The following CCBE1 variants were observed in gnomAD, a reference collection of about 807,000 sequenced individuals.
The protein encoded by CCBE1 is collagen and calcium binding EGF domains 1, also known as collagen and calcium-binding EGF domain-containing protein 1.
In CCBE1, 37 loss-of-function variants were observed where a neutral mutation model predicts 50.0. The observed-to-expected ratio is 0.74, with a 90% CI of 0.57 to 0.97. The LOEUF (loss-of-function observed/expected upper bound fraction) is 0.97. Ranked by LOEUF, CCBE1 falls within the 50% of genes least tolerant of loss-of-function variation. The pLI, the probability that CCBE1 is intolerant of heterozygous loss-of-function variation, is 0.00. For synonymous variants in CCBE1, 234 were observed against 203.7 expected (o/e 1.15, Z -1.27); for missense variants, 538 against 523.8 (o/e 1.03, Z -0.26).
chr18:59,512,118 A>C lies in CCBE1; in HGVS notation c.213-31880T>G, dbSNP rs542284407. On this transcript the variant is annotated intron_variant, in intron 2 of 10. Coordinates refer to ENST00000439986, the MANE Select transcript of CCBE1 (RefSeq NM_133459.4). ...TACAGTAGCGGTGTGATATGGAAGG[A>C]AGGCAGGAAGGGAAGTGCTGGGAAA... Among the ~76,000 whole-genome samples, 4 of 152,348 alleles carry C rather than the reference A, an allele frequency of 2.6e-5. No individual in the cohort carries two copies. The East Asian group carries it at 5.8e-4, about 22-fold the overall frequency.
intron 2 of CCBE1, among the ~76,000 whole-genome samples, chr18:59,600,054 G>A (rs2053409527): frequency 6.6e-6 from 1 of 152,024 alleles, no homozygotes; most frequent in Non-Finnish European, 1.5e-5. Context: ...TGCAACTATT[G>A]CTTTTGCTGT....
intron 2 of CCBE1, among the ~76,000 whole-genome samples, chr18:59,694,356 G>C (rs1332650304): frequency 6.6e-6 from 1 of 152,132 alleles, no homozygotes; most frequent in African/African-American, 2.4e-5. Flanking sequence ...AACCTTTAAA[G>C]ACTGGCTTCC....
intron 3 of CCBE1, 47 bp downstream of exon 3, chr18:59,480,139 G>T (rs775550916): frequency 1.7e-6 from 2 of 1,148,076 alleles, no homozygotes; most frequent in Non-Finnish European, 2.6e-6. Context: ...GACTTTGAAT[G>T]ATTAGTTGTG....
intron 2 of CCBE1, among the ~76,000 whole-genome samples, chr18:59,562,035 C>G (rs957585050): frequency 2.0e-5 from 3 of 152,118 alleles, no homozygotes; most frequent in African/African-American, 7.2e-5. Flanking sequence ...CTAACAAGTA[C>G]GTAGGCAGAG....
chr18:59,483,922 C>G (rs185623013), intron 2 of CCBE1, among the ~76,000 whole-genome samples: 111 of 152,266 alleles, frequency 7.3e-4, no homozygotes, highest in African/African-American at 2.5e-3. Flanking sequence ...AGGAAATCAT[C>G]CATCCAATTT....
At chr18:59,620,207 C>T (rs62094365) in intron 2 of CCBE1, among the ~76,000 whole-genome samples, 1 of 152,182 alleles carries the variant, frequency 6.6e-6, no homozygotes, top group Non-Finnish European at 1.5e-5. Flanking sequence ...AGAAGTTTCT[C>T]CCTTCACCTC....
intron 2 of CCBE1, among the ~76,000 whole-genome samples, chr18:59,520,323 A>G (rs1445944682): frequency 6.6e-6 from 1 of 152,118 alleles, no homozygotes; most frequent in African/African-American, 2.4e-5. Context: ...ATGTTTTTCC[A>G]TTTGTTTGTG....
At chr18:59,681,798 A>G (rs1458012774) in intron 2 of CCBE1, among the ~76,000 whole-genome samples, 1 of 152,252 alleles carries the variant, frequency 6.6e-6, no homozygotes, top group African/African-American at 2.4e-5. Context: ...AAAGATGGCT[A>G]TCATGTTTGT....
At chr18:59,589,790 C>CAAAAAAAAAAAAAAA (rs752546235) in intron 2 of CCBE1, among the ~76,000 whole-genome samples, 7 of 73,104 alleles carry the variant, frequency 9.6e-5, no homozygotes, top group East Asian at 3.5e-4. Flanking sequence ...GACTCCATCT[C>CAAAAAAAAAAAAAAA]AAAAAAAAAA....
At chr18:59,676,272 C>T (rs1342527836) in intron 2 of CCBE1, among the ~76,000 whole-genome samples, 1 of 152,172 alleles carries the variant, frequency 6.6e-6, no homozygotes, top group Non-Finnish European at 1.5e-5. Flanking sequence ...AGTCTTTGTT[C>T]TCTTGGGCAC....
At chr18:59,572,301 T>C (rs1373588726) in intron 2 of CCBE1, among the ~76,000 whole-genome samples, 2 of 152,184 alleles carry the variant, frequency 1.3e-5, no homozygotes, top group East Asian at 1.9e-4. Context: ...TATGGGTTTT[T>C]TTCCCCCTTG....
Position 59,469,627 on chromosome 18 carries a change from G to A in CCBE1, c.266-20C>T. The A allele has an allele frequency of 3.7e-6, 6 of 1,613,830 alleles. No homozygotes were observed. The highest frequency in any genetic ancestry group is 1.1e-5 in the South Asian group (1 of 91,064). The stretch of plus-strand genomic sequence containing the variant: ...CGTAATCTGAAAAAGCAAAGTGAGA[G>A]CTCACATCAACTACAGGAGGAGGCG... On this transcript the variant is annotated intron_variant, in intron 3 of 10. Coordinates refer to ENST00000439986, the MANE Select transcript of CCBE1 (RefSeq NM_133459.4).
intron 2 of CCBE1, among the ~76,000 whole-genome samples, chr18:59,538,584 G>A (rs1301807208): frequency 6.6e-6 from 1 of 152,188 alleles, no homozygotes; most frequent in Non-Finnish European, 1.5e-5. Flanking sequence ...ACTCACCAAA[G>A]GGTGCTACAC....
At chr18:59,442,025 T>C (rs1449335072) in intron 7 of CCBE1, among the ~76,000 whole-genome samples, 2 of 152,192 alleles carry the variant, frequency 1.3e-5, no homozygotes, top group African/African-American at 4.8e-5. Flanking sequence ...TCCTTCCTAA[T>C]TGCCCCATAG....
At chr18:59,630,518 T>C (rs943972809) in intron 2 of CCBE1, among the ~76,000 whole-genome samples, 2 of 152,140 alleles carry the variant, frequency 1.3e-5, no homozygotes, top group African/African-American at 4.8e-5. Flanking sequence ...TGTTTGGGTG[T>C]GGCATTAAAG....
At chr18:59,533,954 A>C (rs939013934) in intron 2 of CCBE1, among the ~76,000 whole-genome samples, 1 of 152,226 alleles carries the variant, frequency 6.6e-6, no homozygotes, top group East Asian at 1.9e-4. Context: ...TTCTACTATC[A>C]TATGTCCTGT....
At chr18:59,693,930 G>A (rs1315383178) in intron 2 of CCBE1, among the ~76,000 whole-genome samples, 2 of 125,270 alleles carry the variant, frequency 1.6e-5, no homozygotes, top group African/African-American at 2.9e-5. Flanking sequence ...GGAATGCAGT[G>A]GCGAGATCTC....
intron 4 of CCBE1, among the ~76,000 whole-genome samples, chr18:59,468,989 G>A (rs539554805): frequency 6.6e-6 from 1 of 152,290 alleles, no homozygotes; most frequent in African/African-American, 2.4e-5. Context: ...GCCAGTTCAT[G>A]AGGGTGGCAG....
intron 2 of CCBE1, among the ~76,000 whole-genome samples, chr18:59,681,722 C>T (rs1281702472): frequency 6.6e-6 from 1 of 152,148 alleles, no homozygotes; most frequent in African/African-American, 2.4e-5. Flanking sequence ...AGTAAAAAGA[C>T]TTTTTCCTTT....
Sources: gnomAD v4.1 joint callset for allele counts (sites outside exome capture counted in the v4.1 genomes callset) on GRCh38, gnomAD v4.1.1 for gene constraint, MANE v1.5 for transcripts, NCBI Gene and HGNC (gene_info 2026-07-23, HGNC 2026-07-21) for gene names.